Variants in EFHC1 observed in about 807,000 individuals in gnomAD.
EFHC1 encodes EF-hand domain containing 1.
Under a neutral mutation model 69.9 loss-of-function variants are expected in EFHC1, and 53 were observed. The ratio of observed to expected loss-of-function variants is 0.76; its 90% CI spans 0.61 to 0.95. The LOEUF is 0.95. Among genes scored for constraint, EFHC1 ranks in the 40% least tolerant of loss-of-function variants. EFHC1 has a pLI of 0.00. For synonymous variants in EFHC1, 256 were observed against 278.4 expected, an observed-to-expected ratio of 0.92 and a Z score of 0.80; for missense variants, 739 against 798.7, an observed-to-expected ratio of 0.93 and a Z score of 0.90.
At chr6:52,472,375 A>G (rs943489142) in intron 7 of EFHC1, among the ~76,000 whole-genome samples, 1 of 152,210 alleles carries the variant, frequency 6.6e-6, no homozygotes, top group African/African-American at 2.4e-5. Context: ...GGAAGCGAAT[A>G]AACAAGTATA....
chr6:52,475,904 A>C (rs1430847744), intron 7 of EFHC1, among the ~76,000 whole-genome samples: 1 of 152,248 alleles, frequency 6.6e-6, no homozygotes, highest in Non-Finnish European at 1.5e-5. Flanking sequence ...TGTAAAAAAT[A>C]AAATGAGACA....
Position 52,492,448 on chromosome 6 carries a change from C to G in EFHC1, c.*107C>G. 8.4e-7 allele frequency: 1 copy of G among 1,192,716 alleles called. No individual in the cohort carries two copies. 73.9% of individuals were successfully genotyped at this position (1,192,716 alleles called of 1,614,324 possible). A position where few individuals can be genotyped will look rare whatever the true frequency, so the allele number is the denominator to read the frequency against. The stretch of plus-strand genomic sequence containing the variant: ...TTACAGGGTTCCTGAAGTTTTATTT[C>G]TGTTTTGGTTCTTCTTTCACTCCTA... On this transcript the variant is annotated 3_prime_UTR_variant, in exon 11 of 11. Transcript: ENST00000371068.
chr6:52,420,900 C>A, intron 1 of EFHC1: 1 of 563,832 alleles, frequency 1.8e-6, no homozygotes, highest in Non-Finnish European at 2.5e-6. Flanking sequence ...CGTCCATCGC[C>A]GCCCTTAAAA....
chr6:52,421,529 T>C (rs1389195519), intron 1 of EFHC1, among the ~76,000 whole-genome samples: 1 of 152,200 alleles, frequency 6.6e-6, no homozygotes, highest in Non-Finnish European at 1.5e-5. Context: ...GAAAAATCAA[T>C]AATGAGATTC....
chr6:52,450,540 T>A (rs897666113), intron 3 of EFHC1, among the ~76,000 whole-genome samples: 4 of 152,182 alleles, frequency 2.6e-5, no homozygotes, highest in African/African-American at 9.6e-5. Context: ...TTGAGTTGGA[T>A]CCTTTACCAT....
At chr6:52,442,516 A>G (rs113290556) in intron 3 of EFHC1, among the ~76,000 whole-genome samples, 1 of 151,608 alleles carries the variant, frequency 6.6e-6, no homozygotes, top group African/African-American at 2.4e-5. Context: ...TCATTGTTCA[A>G]TTCCCACCTA....
chr6:52,423,979 T>TG lies in EFHC1; in HGVS notation c.97_98insG (p.Tyr33Ter). 6.2e-7 allele frequency: 1 copy of TG among 1,614,180 alleles called. No individual in the cohort carries two copies. The change falls in exon 2 of 11, where the codon TAC (tyrosine) becomes TGAC (stop). Residue 33 changes from tyrosine to a stop codon, truncating the protein, a stop_gained and frameshift_variant. Transcript: ENST00000371068. LOFTEE classifies it high-confidence loss of function. ...TAFHRSQTLS[Y>*]RNGYAIVRRP... is the part of the protein sequence containing the mutation. ...CTTCCACAGAAGTCAGACGCTGAGC[T>TG]ACAGGAACGGCTATGCAATTGTTCG...
chr6:52,492,203 A>C (rs918919723), intron 10 of EFHC1, 67 bp from the exon 11 acceptor site: 4 of 1,372,268 alleles, frequency 2.9e-6, no homozygotes, highest in Middle Eastern at 1.8e-4. Flanking sequence ...GCATAAGCGC[A>C]CTCTGCAGTT....
intron 2 of EFHC1, among the ~76,000 whole-genome samples, chr6:52,425,635 A>T (rs1449706830): frequency 6.6e-6 from 1 of 152,114 alleles, no homozygotes; most frequent in African/African-American, 2.4e-5. Context: ...TTATTTTCCA[A>T]TTCATTTTAC....
chr6:52,437,996 A>G (rs555870656), intron 2 of EFHC1, among the ~76,000 whole-genome samples: 25 of 152,350 alleles, frequency 1.6e-4, no homozygotes, highest in African/African-American at 5.8e-4. Context: ...TTATTTGTGG[A>G]TTGAAAATTT....
At chr6:52,478,972 T>C in intron 7 of EFHC1, 65 bp from the exon 8 acceptor site, 1 of 1,510,094 alleles carries the variant, frequency 6.6e-7, no homozygotes, top group South Asian at 1.1e-5. Context: ...CCTATAGGCA[T>C]TTAAGTTGGC....
chr6:52,453,573 T>G, intron 4 of EFHC1: 1 of 1,280,480 alleles, frequency 7.8e-7, no homozygotes, highest in Non-Finnish European at 1.0e-6. Flanking sequence ...TCTGTTATTA[T>G]TTTGTATTTA....
rs1765259451 is a variant in EFHC1 at position 52,464,790 on chromosome 6, G to C, written c.917-105G>C. 4.3e-6 allele frequency: 4 copies of C among 932,280 alleles called. No individual in the cohort carries two copies. The South Asian group carries it at 5.6e-5, about 13-fold the overall frequency. The allele number at this position is 932,280 out of a possible 1,614,324, so 57.8% of individuals were successfully genotyped here. ...ACCCTGACTCTTGACCAGAGCAAAAGACTGCACTCCCTCAGGTTCTCAAGA... is the reference window on the plus strand; with the variant it reads ...ACCCTGACTCTTGACCAGAGCAAAACACTGCACTCCCTCAGGTTCTCAAGA... On this transcript the variant is annotated intron_variant, in intron 5 of 10. Transcript: ENST00000371068.
Position 52,424,129 on chromosome 6 carries a change from G to A in EFHC1, c.247G>A (p.Ala83Thr), listed in dbSNP as rs1337947822. Residue 83 changes from alanine to threonine, a missense_variant, in exon 2 of 11, where the codon GCG becomes ACG. Coordinates refer to ENST00000371068, the MANE Select transcript of EFHC1 (RefSeq NM_018100.4). ...TYGQPKQAPPADFIPAHVAFD... is the reference protein window; with the variant it reads ...TYGQPKQAPPTDFIPAHVAFD... ...TGGCCAACCTAAACAAGCCCCACCTGCGGATTTTATTCCTGCGCATGTGGC... is the reference window on the plus strand; with the variant it reads ...TGGCCAACCTAAACAAGCCCCACCTACGGATTTTATTCCTGCGCATGTGGC... The A allele has an allele frequency of 6.2e-7, 1 of 1,613,976 alleles. No individual in the cohort carries two copies. Among genetic ancestry groups the A allele is most frequent in the Non-Finnish European group, 8.5e-7 (1 of 1,179,978 alleles).
intron 9 of EFHC1, chr6:52,488,148 A>T (rs1056273010): frequency 1.3e-5 from 2 of 152,174 alleles, no homozygotes; most frequent in Non-Finnish European, 2.9e-5. Context: ...TCACATTTTA[A>T]CTTTATATGT....
Position 52,445,372 on chromosome 6 carries a change from A to G in EFHC1, c.573+6781A>G, listed in dbSNP as rs535438768. 1.1e-4 allele frequency among the ~76,000 whole-genome samples: 16 copies of G among 151,930 alleles called. No individual in the cohort carries two copies. The East Asian group carries it at 3.1e-3, about 29-fold the overall frequency. ...GTGCAGGTTAGTTACATACGTATAC[A>G]TGTGCCATGCTAGTGTGCTGCACCC... On this transcript the variant is annotated intron_variant, in intron 3 of 10. Coordinates refer to ENST00000371068, the MANE Select transcript of EFHC1 (RefSeq NM_018100.4).
In EFHC1 at chr6:52,473,178, G is replaced by T. The variant is rs1327758679; in HGVS notation, c.1278+3705G>T. Among the ~76,000 whole-genome samples the T allele has an allele frequency of 2.0e-5, 3 of 152,010 alleles. No individual in the cohort carries two copies. The South Asian group carries it at 6.2e-4, about 31-fold the overall frequency. ...ACAGTAATTAAAATAACATGTTATT[G>T]GTGCAAGGATAAACAAACCAATGGA... On this transcript the variant is annotated intron_variant, in intron 7 of 10. Transcript: ENST00000371068.
At chr6:52,489,642 G>T (rs1249336568) in intron 9 of EFHC1, among the ~76,000 whole-genome samples, 2 of 152,112 alleles carry the variant, frequency 1.3e-5, no homozygotes, top group East Asian at 3.8e-4. Flanking sequence ...AGCTTCCATA[G>T]ATAACCTTTC....
chr6:52,471,397 AT>A (rs1308953390), intron 7 of EFHC1, among the ~76,000 whole-genome samples: 1 of 152,256 alleles, frequency 6.6e-6, no homozygotes, highest in Non-Finnish European at 1.5e-5. Flanking sequence ...TGCAGATGAC[AT>A]CATTTTCAGC....
Sources: allele counts gnomAD v4.1 joint callset (sites outside exome capture counted in the v4.1 genomes callset), GRCh38; gene constraint gnomAD v4.1.1; transcripts MANE v1.5; gene names NCBI Gene and HGNC (gene_info 2026-07-23, HGNC 2026-07-21).